Variants in SPATA13 observed in about 807,000 individuals in gnomAD.
SPATA13 encodes the protein spermatogenesis-associated protein 13.
Under a neutral mutation model 104.0 loss-of-function variants are expected in SPATA13, and 50 were observed. The observed-to-expected ratio is 0.48, with a 90% CI of 0.38 to 0.61. The LOEUF is 0.61. SPATA13 is among the 20% of genes least tolerant of loss of function. The pLI, the probability that SPATA13 is intolerant of heterozygous loss-of-function variation, is 0.00. For synonymous variants in SPATA13, 606 were observed against 667.5 expected, an observed-to-expected ratio of 0.91 and a Z score of 1.42; for missense variants, 1,524 against 1,690.6, an observed-to-expected ratio of 0.90 and a Z score of 1.73.
At chr13:24,225,538 A>AG (rs1350512044) in intron 2 of SPATA13, among the ~76,000 whole-genome samples, 6 of 152,160 alleles carry the variant, frequency 3.9e-5, no homozygotes, top group Non-Finnish European at 5.9e-5. Context: ...TACAGCAAGC[A>AG]GGGGGGCTTG....
At chr13:24,155,372 A>G (rs759300596) in intron 3 of SPATA13, among the ~76,000 whole-genome samples, 2 of 152,226 alleles carry the variant, frequency 1.3e-5, no homozygotes, top group Non-Finnish European at 1.5e-5. Flanking sequence ...GAAGCTATCA[A>G]TCATGAAAAT....
chr13:24,177,172 A>G (rs1177337889), intron 1 of SPATA13, among the ~76,000 whole-genome samples: 1 of 152,246 alleles, frequency 6.6e-6, no homozygotes, highest in African/African-American at 2.4e-5. Flanking sequence ...TAATCAAAGA[A>G]TAGTGGACAC....
At chr13:24,081,557 G>A (rs975952080) in intron 3 of SPATA13, among the ~76,000 whole-genome samples, 6 of 151,964 alleles carry the variant, frequency 3.9e-5, no homozygotes, top group Middle Eastern at 6.8e-3. Flanking sequence ...GCATGTAATC[G>A]CAGCACTTTG....
intron 11 of SPATA13, among the ~76,000 whole-genome samples, chr13:24,299,487 A>G (rs560610243): frequency 6.6e-6 from 1 of 152,316 alleles, no homozygotes; most frequent in African/African-American, 2.4e-5. Flanking sequence ...GAGAATGGAC[A>G]CGGAGGGCCT....
At chr13:24,225,829 C>T (rs879650119) in intron 2 of SPATA13, among the ~76,000 whole-genome samples, 2 of 152,220 alleles carry the variant, frequency 1.3e-5, no homozygotes, top group Non-Finnish European at 2.9e-5. Flanking sequence ...TTTGTTGCAG[C>T]CCCTTTAACT....
At chr13:24,081,664 ACT>A (rs746607639) in intron 3 of SPATA13, among the ~76,000 whole-genome samples, 53 of 151,992 alleles carry the variant, frequency 3.5e-4, no homozygotes, top group Non-Finnish European at 6.3e-4. Context: ...ACAGCACAAG[ACT>A]CTCTGTCTCT....
intron 3 of SPATA13, among the ~76,000 whole-genome samples, chr13:24,019,237 C>T (rs1443327483): frequency 6.6e-6 from 1 of 150,988 alleles, no homozygotes; most frequent in South Asian, 2.1e-4. Flanking sequence ...TACAGGCGCC[C>T]GCCACTACGC....
Position 24,231,752 on chromosome 13 carries a change from C to T in SPATA13, c.1653+7170C>T, listed in dbSNP as rs2264964. On this transcript the variant is annotated intron_variant, in intron 2 of 12. Coordinates refer to ENST00000382108, the MANE Select transcript of SPATA13 (RefSeq NM_001166271.3). Reference sequence around the variant, plus strand: ...ATAAGGGTTCCAATTTCTCCTCATCCTTGCCAGGACTTGGTATTGTCAGTA... The same window carrying T: ...ATAAGGGTTCCAATTTCTCCTCATCTTTGCCAGGACTTGGTATTGTCAGTA... 6.4e-3 allele frequency among the ~76,000 whole-genome samples: 982 copies of T among 152,318 alleles called. 8 individuals are homozygous for T. The highest frequency in any genetic ancestry group is 0.023 in the African/African-American group (943 of 41,560).
chr13:24,091,009 C>T (rs920745046), intron 3 of SPATA13, among the ~76,000 whole-genome samples: 48 of 152,144 alleles, frequency 3.2e-4, no homozygotes, highest in Non-Finnish European at 8.8e-5. Flanking sequence ...TTGTAGCTCC[C>T]GAAGTCTCTG....
At chr13:23,991,560 G>A (rs756470337) in intron 2 of SPATA13, among the ~76,000 whole-genome samples, 7 of 152,110 alleles carry the variant, frequency 4.6e-5, no homozygotes, top group African/African-American at 7.2e-5. Flanking sequence ...AGCGAGCCCC[G>A]GCCCGCAGTG....
chr13:24,208,047 G>A (rs757029004), intron 1 of SPATA13, among the ~76,000 whole-genome samples: 1 of 152,216 alleles, frequency 6.6e-6, no homozygotes, highest in Non-Finnish European at 1.5e-5. Flanking sequence ...CCTGATGGGA[G>A]CCGCTGAAAG....
At chr13:24,214,273 A>G (rs767622369) in intron 1 of SPATA13, among the ~76,000 whole-genome samples, 1 of 152,204 alleles carries the variant, frequency 6.6e-6, no homozygotes, top group Non-Finnish European at 1.5e-5. Context: ...ATGCATGTAC[A>G]ATAAACTTAA....
At chr13:24,085,414 A>C (rs1323346706) in intron 3 of SPATA13, among the ~76,000 whole-genome samples, 1 of 152,152 alleles carries the variant, frequency 6.6e-6, no homozygotes, top group Non-Finnish European at 1.5e-5. Context: ...GGTGTGAGCC[A>C]CCGCGTCCAG....
Position 24,297,429 on chromosome 13 carries a change from C to G in SPATA13, c.3277C>G (p.Gln1093Glu), listed in dbSNP as rs1469704444. The G allele has an allele frequency of 1.9e-6, 3 of 1,614,132 alleles. No homozygotes were observed. The highest frequency in any genetic ancestry group is 4.5e-5 in the East Asian group (2 of 44,866). ...HSGELTKITK[Q>E]GKSQQRTFFL... Reference sequence around the variant, plus strand: ...TGGGGAGCTGACCAAAATCACTAAGCAAGGCAAAAGCCAGCAGCGGACGTT... The same window carrying G: ...TGGGGAGCTGACCAAAATCACTAAGGAAGGCAAAAGCCAGCAGCGGACGTT... Residue 1093 changes from glutamine to glutamate, a missense_variant, in exon 11 of 13, where the codon CAA (glutamine) becomes GAA (glutamate). By Grantham distance (29) the Gln-to-Glu change is conservative. Transcript: ENST00000382108.
At chr13:24,123,335 G>T in intron 3 of SPATA13, 2 of 1,370,840 alleles carry the variant, frequency 1.5e-6, no homozygotes, top group Non-Finnish European at 2.1e-6. Flanking sequence ...GATCACTTTC[G>T]AACTTCACTT....
At chr13:24,018,721 C>G (rs796920111) in intron 3 of SPATA13, among the ~76,000 whole-genome samples, 1 of 152,138 alleles carries the variant, frequency 6.6e-6, no homozygotes, top group African/African-American at 2.4e-5. Flanking sequence ...GCTATTTGTC[C>G]TGTGTTTTAC....
Position 24,303,302 on chromosome 13 carries a change from G to T in SPATA13, c.*529G>T. ...ATACTGGGGGACCTACAGCTGCCGT[G>T]GGGCTGACCACGGTGTTCCCTGGCA... On this transcript the variant is annotated 3_prime_UTR_variant, in exon 13 of 13. Coordinates refer to ENST00000382108, the MANE Select transcript of SPATA13 (RefSeq NM_001166271.3). 1 of 366,768 alleles carries T rather than the reference G, an allele frequency of 2.7e-6. No individual in the cohort carries two copies. The highest frequency in any genetic ancestry group is 5.4e-6 in the Non-Finnish European group (1 of 183,602). 22.7% of individuals were successfully genotyped at this position (366,768 alleles called of 1,614,324 possible).
intron 1 of SPATA13, among the ~76,000 whole-genome samples, chr13:24,173,362 TTGTGTGTGTGTGTGTG>T (rs60850610): frequency 8.9e-5 from 13 of 146,832 alleles, no homozygotes; most frequent in East Asian, 4.0e-4. Context: ...TAGTTCTTAG[TTGTGTGTGTGTGTGTG>T]TGTGTGTGTG....
rs78526634 is a variant in SPATA13, at chr13:24,193,999, G to A, written c.-111-28820G>A. ...CAGAAACTGGAAAAGAGTTTGTAGAGGTTTCTTACCTTCTCAACCATTCAA... is the reference window on the plus strand; with the variant it reads ...CAGAAACTGGAAAAGAGTTTGTAGAAGTTTCTTACCTTCTCAACCATTCAA... On this transcript the variant is annotated intron_variant, in intron 1 of 12. Transcript: ENST00000382108. 3.7e-3 allele frequency among the ~76,000 whole-genome samples: 563 copies of A among 152,282 alleles called. 5 individuals carry two copies. Among genetic ancestry groups the A allele is most frequent in the African/African-American group, 0.013 (538 of 41,536 alleles).
Sources: allele counts gnomAD v4.1 joint callset (sites outside exome capture counted in the v4.1 genomes callset), GRCh38; gene constraint gnomAD v4.1.1; transcripts MANE v1.5; gene names NCBI Gene and HGNC (gene_info 2026-07-23, HGNC 2026-07-21).